The following CSMD3 variants were observed in gnomAD, a reference collection of about 807,000 sequenced individuals.
CSMD3 encodes CUB and sushi domain-containing protein 3.
A neutral mutation model predicts 435.2 loss-of-function variants in CSMD3; 177 were observed. That is an observed-to-expected ratio of 0.41 (90% CI 0.36 to 0.46). The LOEUF (loss-of-function observed/expected upper bound fraction) is 0.46. CSMD3 is among the 20% of genes least tolerant of loss of function. CSMD3 has a pLI of 0.34. For synonymous variants in CSMD3, 1,656 were observed against 1,520.5 expected, an observed-to-expected ratio of 1.09 and a Z score of -2.07; for missense variants, 4,265 against 4,504.6, an observed-to-expected ratio of 0.95 and a Z score of 1.52.
chr8:112,791,698 A>T (rs2078697366), intron 13 of CSMD3, among the ~76,000 whole-genome samples: 1 of 152,140 alleles, frequency 6.6e-6, no homozygotes, highest in African/African-American at 2.4e-5. Flanking sequence ...GTATATTCTC[A>T]TACAAGTCTT....
chr8:112,401,508 T>C (rs972549702), intron 35 of CSMD3, among the ~76,000 whole-genome samples: 11 of 152,116 alleles, frequency 7.2e-5, no homozygotes, highest in African/African-American at 2.7e-4. Flanking sequence ...AGCATAAACA[T>C]TGGTTAAATA....
At chr8:112,560,451 T>G (rs767222942) in intron 24 of CSMD3, among the ~76,000 whole-genome samples, 2 of 151,730 alleles carry the variant, frequency 1.3e-5, no homozygotes, top group Non-Finnish European at 2.9e-5. Context: ...CATGATTGAA[T>G]GTGGATTCTT....
intron 27 of CSMD3, among the ~76,000 whole-genome samples, chr8:112,541,603 G>A (rs892321728): frequency 6.6e-6 from 1 of 151,762 alleles, no homozygotes; most frequent in African/African-American, 2.4e-5. Flanking sequence ...CATTTAAGCA[G>A]TATTTTAAAA....
chr8:112,360,084 A>G, intron 38 of CSMD3, among the ~76,000 whole-genome samples: 1 of 152,062 alleles, frequency 6.6e-6, no homozygotes. Flanking sequence ...GAACTATGAT[A>G]TAAACATGTA....
intron 22 of CSMD3, among the ~76,000 whole-genome samples, chr8:112,622,590 A>T (rs1220028829): frequency 6.6e-6 from 1 of 152,172 alleles, no homozygotes; most frequent in Non-Finnish European, 1.5e-5. Flanking sequence ...TCTTGAAGAC[A>T]GATTAGGCCT....
At chr8:112,857,749 T>C (rs1220714551) in intron 11 of CSMD3, among the ~76,000 whole-genome samples, 1 of 151,138 alleles carries the variant, frequency 6.6e-6, no homozygotes, top group Non-Finnish European at 1.5e-5. Flanking sequence ...AAATAATTCA[T>C]AAAAAGTGCT....
rs184607384 is a variant in CSMD3 at position 113,353,978 on chromosome 8, C to T, written c.179-39185G>A. Among the ~76,000 whole-genome samples, 782 of 152,232 alleles carry T rather than the reference C, an allele frequency of 5.1e-3. 12 individuals are homozygous for T. Among genetic ancestry groups the T allele is most frequent in the African/African-American group, 0.018 (755 of 41,542 alleles). ...TTGTCTCCTACTTTTCTCATATTAT[C>T]TGTTTTCCTTTTAGCAAAAGTCTAT... is the stretch of plus-strand genomic sequence containing the variant. On this transcript the variant is annotated intron_variant, in intron 1 of 70. Transcript: ENST00000297405.
intron 67 of CSMD3, among the ~76,000 whole-genome samples, chr8:112,234,727 A>T (rs893904070): frequency 4.6e-5 from 7 of 152,186 alleles, no homozygotes; most frequent in African/African-American, 1.7e-4. Context: ...TGCTATCACA[A>T]TTAAGCACTA....
chr8:113,253,717 T>C (rs933966538), intron 3 of CSMD3, among the ~76,000 whole-genome samples: 1 of 151,860 alleles, frequency 6.6e-6, no homozygotes, highest in Non-Finnish European at 1.5e-5. Flanking sequence ...ATGTGTGCTG[T>C]AAGCCCAGCT....
Position 112,587,143 on chromosome 8 carries a change from T to G in CSMD3, c.3808A>C (p.Ser1270Arg), listed in dbSNP as rs368012163. The change falls in exon 23 of 71, where the codon AGT (serine) becomes CGT (arginine). Residue 1270 changes from serine to arginine, a missense_variant. Physicochemically the swap from Ser to Arg is moderately radical, Grantham distance 110 (BLOSUM62 -1). Transcript: ENST00000297405. Reference sequence around the variant, plus strand: ...CCCTTTCCTGCTTGAACCTGAATACTATAAATGCATTCATGGTTGTTTTCA... The same window carrying G: ...CCCTTTCCTGCTTGAACCTGAATACGATAAATGCATTCATGGTTGTTTTCA... ...NYENNHECIY[S>R]IQVQAGKGIN... is the part of the protein sequence containing the mutation. 130 of 1,606,070 alleles carry G rather than the reference T, an allele frequency of 8.1e-5. No homozygotes were observed. The highest frequency in any genetic ancestry group is 1.1e-4 in the Non-Finnish European group (126 of 1,173,320).
Position 112,966,471 on chromosome 8 carries a change from C to A in CSMD3, c.1342+9366G>T, listed in dbSNP as rs1203406637. Among the ~76,000 whole-genome samples the A allele has an allele frequency of 2.0e-5, 3 of 150,796 alleles. No homozygotes were observed. In the East Asian group the frequency reaches 5.8e-4, roughly 29 times the overall value. ...TTTCTCTTTATTTTCTTTTCTTCTT[C>A]TTTTTTTCATTTTTAAAAATTTTTT... On this transcript the variant is annotated intron_variant, in intron 7 of 70. Transcript: ENST00000297405.
At chr8:112,670,749 T>C (rs1273478813) in intron 16 of CSMD3, among the ~76,000 whole-genome samples, 1 of 151,960 alleles carries the variant, frequency 6.6e-6, no homozygotes, top group Admixed American at 6.6e-5. Flanking sequence ...GGAAAGTTAA[T>C]GAGATTCAGT....
chr8:113,053,157 A>G (rs1365355840), intron 5 of CSMD3, among the ~76,000 whole-genome samples: 1 of 152,136 alleles, frequency 6.6e-6, no homozygotes, highest in East Asian at 1.9e-4. Flanking sequence ...CCTTCTCAGG[A>G]AAAAAGAAAT....
intron 32 of CSMD3, among the ~76,000 whole-genome samples, chr8:112,414,918 T>G (rs918337577): frequency 2.0e-5 from 3 of 152,116 alleles, no homozygotes; most frequent in African/African-American, 7.2e-5. Context: ...AGAGATGATT[T>G]AAGGTATCTG....
At chr8:112,533,440 A>G (rs1825735318) in intron 27 of CSMD3, among the ~76,000 whole-genome samples, 1 of 152,048 alleles carries the variant, frequency 6.6e-6, no homozygotes, top group Admixed American at 6.6e-5. Context: ...ATTTTATGCA[A>G]ACGGAAACCA....
chr8:113,233,583 A>T (rs2093114576), intron 3 of CSMD3, among the ~76,000 whole-genome samples: 1 of 151,554 alleles, frequency 6.6e-6, no homozygotes, highest in Non-Finnish European at 1.5e-5. Context: ...TATATAGATA[A>T]TTAAATGTAA....
At chr8:113,234,352 AATG>A (rs2093123852) in intron 3 of CSMD3, among the ~76,000 whole-genome samples, 1 of 152,110 alleles carries the variant, frequency 6.6e-6, no homozygotes, top group Admixed American at 6.6e-5. Flanking sequence ...CTCAAAGCAG[AATG>A]ATGATGTCAG....
At chr8:112,371,664 C>T (rs4876285) in intron 38 of CSMD3, among the ~76,000 whole-genome samples, 27,884 of 151,956 alleles carry the variant, frequency 0.18, 3,068 homozygotes, top group Middle Eastern at 0.35. Context: ...CCGAGGCGGG[C>T]GTATTACGAG....
intron 23 of CSMD3, among the ~76,000 whole-genome samples, chr8:112,574,034 CA>C (rs1281893190): frequency 6.6e-6 from 1 of 151,944 alleles, no homozygotes; most frequent in Non-Finnish European, 1.5e-5. Context: ...CAAGATCAAA[CA>C]TTTACTTTTC....
Sources: allele counts gnomAD v4.1 joint callset (sites outside exome capture counted in the v4.1 genomes callset), GRCh38; gene constraint gnomAD v4.1.1; transcripts MANE v1.5; gene names NCBI Gene and HGNC (gene_info 2026-07-23, HGNC 2026-07-21).